The following HECTD4 variants were observed in gnomAD, a reference collection of about 807,000 sequenced individuals.
HECTD4 encodes the protein HECT domain E3 ubiquitin protein ligase 4, also known as probable E3 ubiquitin-protein ligase HECTD4.
HECTD4 carries 114 observed loss-of-function variants against 471.5 expected under a neutral mutation model. That is an observed-to-expected ratio of 0.24 (90% CI 0.21 to 0.28). HECTD4 has a LOEUF of 0.28. Ranked by LOEUF, HECTD4 falls within the 10% of genes least tolerant of loss-of-function variation. The pLI, the probability that HECTD4 is intolerant of heterozygous loss-of-function variation, is 1.00. For missense variants in HECTD4, 3,866 were observed against 5,651.5 expected, an observed-to-expected ratio of 0.68 and a Z score of 10.13; for synonymous variants, 2,012 against 2,256.0, an observed-to-expected ratio of 0.89 and a Z score of 3.07.
At chr12:112,177,900 A>G (rs1193981701) in intron 64 of HECTD4, among the ~76,000 whole-genome samples, 1 of 152,242 alleles carries the variant, frequency 6.6e-6, no homozygotes, top group Non-Finnish European at 1.5e-5. Context: ...TTCAAGGCTT[A>G]AGAATGGTCC....
intron 66 of HECTD4, among the ~76,000 whole-genome samples, chr12:112,174,064 G>A (rs1291365354): frequency 2.7e-5 from 4 of 147,206 alleles, no homozygotes; most frequent in African/African-American, 5.0e-5. Context: ...CACAACCCCC[G>A]CCTCCCAGGT....
chr12:112,351,852 A>C (rs1013622946), intron 1 of HECTD4, among the ~76,000 whole-genome samples: 1 of 152,254 alleles, frequency 6.6e-6, no homozygotes, highest in African/African-American at 2.4e-5. Flanking sequence ...AAAAATTCTA[A>C]CCCAAAGTAT....
intron 54 of HECTD4, 71 bp downstream of exon 54, chr12:112,203,565 C>T (rs1014366869): frequency 1.4e-5 from 18 of 1,275,218 alleles, no homozygotes; most frequent in Non-Finnish European, 1.9e-5. Flanking sequence ...TTTTAAGGTA[C>T]CTGGGAATCT....
chr12:112,292,169 A>G (rs1359927929), intron 7 of HECTD4, among the ~76,000 whole-genome samples: 1 of 151,556 alleles, frequency 6.6e-6, no homozygotes, highest in Non-Finnish European at 1.5e-5. Flanking sequence ...CACTCTCATC[A>G]CTCCACTTGA....
intron 59 of HECTD4, among the ~76,000 whole-genome samples, chr12:112,191,752 A>C (rs1452810523): frequency 6.6e-6 from 1 of 152,204 alleles, no homozygotes; most frequent in African/African-American, 2.4e-5. Flanking sequence ...ACTCTAATAA[A>C]AAAGACCATA....
Position 112,183,235 on chromosome 12 carries a change from C to A in HECTD4, c.10811G>T (p.Arg3604Leu). The part of the protein sequence containing the change: ...IRSRAKIEKI[R>L]ASLFNNNDLI... The stretch of plus-strand genomic sequence containing the variant: ...GTCATTATTGTTAAATAAACTTGCT[C>A]GAATTTTCTCAATTTTGGCTCGGGA... Residue 3604 changes from arginine (R) to leucine (L), a missense_variant, in exon 62 of 76, where the codon CGA becomes CTA. Around this residue, in one of 16 missense-constraint regions of HECTD4, gnomAD observed 715 missense variants for 1,087.6 expected, o/e 0.66. Coordinates refer to ENST00000682272, the MANE Select transcript of HECTD4 (RefSeq NM_001388303.1). The A allele has an allele frequency of 6.2e-7, 1 of 1,613,810 alleles. No individual in the cohort carries two copies. The highest frequency in any genetic ancestry group is 8.5e-7 in the Non-Finnish European group (1 of 1,179,870).
intron 55 of HECTD4, among the ~76,000 whole-genome samples, chr12:112,198,232 C>T (rs890144422): frequency 2.0e-5 from 3 of 152,210 alleles, no homozygotes; most frequent in Non-Finnish European, 2.9e-5. Flanking sequence ...ACAAAGAGCG[C>T]ATGGACAGTC....
chr12:112,167,965 G>A (rs747554034), intron 70 of HECTD4, 48 bp from the exon 71 acceptor site: 27 of 1,430,122 alleles, frequency 1.9e-5, no homozygotes, highest in Middle Eastern at 4.0e-4. Context: ...CCCGGCGGGA[G>A]GCGACACCGT....
intron 55 of HECTD4, among the ~76,000 whole-genome samples, chr12:112,199,577 T>A: frequency 6.6e-6 from 1 of 152,234 alleles, no homozygotes; most frequent in East Asian, 1.9e-4. Context: ...ATTATTATAT[T>A]TTCCTCTGAA....
At chr12:112,374,717 G>A (rs2036746265) in intron 1 of HECTD4, among the ~76,000 whole-genome samples, 3 of 152,158 alleles carry the variant, frequency 2.0e-5, no homozygotes, top group Admixed American at 6.5e-5. Flanking sequence ...ATATAGGCTA[G>A]CAGTGTCCTC....
At chr12:112,241,380 T>C (rs569501225) in intron 32 of HECTD4, among the ~76,000 whole-genome samples, 1 of 152,350 alleles carries the variant, frequency 6.6e-6, no homozygotes. Context: ...GCCTGGCAGC[T>C]CTTGAGGTGA....
Position 112,230,794 on chromosome 12 carries a change from C to T in HECTD4, c.6229G>A (p.Gly2077Arg). ...RTDPVRPFIS[G>R]HVANSMAAEV... ...GCAGCCATGCTGTTTGCCACATGCC[C>T]ACTGATGAAGGGACGCACAGGATCA... Residue 2077 changes from glycine to arginine, a missense_variant, in exon 40 of 76, where the codon GGG becomes AGG. Gly to Arg is a moderately radical substitution (Grantham distance 125). This residue lies in a region of HECTD4 where 617 missense variants were observed against 915.1 expected (regional missense o/e 0.67). Coordinates refer to ENST00000682272, the MANE Select transcript of HECTD4 (RefSeq NM_001388303.1). The T allele has an allele frequency of 6.2e-7, 1 of 1,610,834 alleles. No individual in the cohort carries two copies. Among genetic ancestry groups the T allele is most frequent in the Non-Finnish European group, 8.5e-7 (1 of 1,178,598 alleles).
intron 1 of HECTD4, among the ~76,000 whole-genome samples, chr12:112,350,957 A>G (rs1175780473): frequency 6.6e-6 from 1 of 152,214 alleles, no homozygotes; most frequent in Non-Finnish European, 1.5e-5. Flanking sequence ...TCCCTAAAAA[A>G]GAGCTTAATT....
chr12:112,348,523 C>T (rs987600609), intron 1 of HECTD4, among the ~76,000 whole-genome samples: 8 of 152,046 alleles, frequency 5.3e-5, no homozygotes, highest in Middle Eastern at 3.4e-3. Context: ...CTTTAGAGGT[C>T]GAGGCAGATG....
intron 7 of HECTD4, among the ~76,000 whole-genome samples, chr12:112,288,761 A>G (rs2034810451): frequency 6.6e-6 from 1 of 152,226 alleles, no homozygotes; most frequent in Non-Finnish European, 1.5e-5. Context: ...AAGTGGAGAG[A>G]GGCCCTAGAG....
intron 54 of HECTD4, chr12:112,201,188 G>A (rs2032417614): frequency 2.5e-6 from 1 of 405,902 alleles, no homozygotes; most frequent in African/African-American, 2.1e-5. Context: ...CTGCCTCCCA[G>A]GTTCAAGAGA....
At chr12:112,240,973 T>C (rs955153900) in intron 32 of HECTD4, among the ~76,000 whole-genome samples, 1 of 152,240 alleles carries the variant, frequency 6.6e-6, no homozygotes, top group African/African-American at 2.4e-5. Flanking sequence ...CATAGTATTG[T>C]TTATAAAAGC....
At chr12:112,320,196 T>G (rs891605206) in intron 1 of HECTD4, among the ~76,000 whole-genome samples, 2 of 151,318 alleles carry the variant, frequency 1.3e-5, no homozygotes, top group Non-Finnish European at 2.9e-5. Context: ...ATAGCCAGGC[T>G]TGGTGGTGTG....
intron 1 of HECTD4, among the ~76,000 whole-genome samples, chr12:112,377,005 A>G (rs2036793886): frequency 6.6e-6 from 1 of 152,124 alleles, no homozygotes; most frequent in Non-Finnish European, 1.5e-5. Context: ...TCAGCTCCTC[A>G]GGGGGCTGAG....
Sources: gnomAD v4.1 joint callset for allele counts (sites outside exome capture counted in the v4.1 genomes callset) on GRCh38, gnomAD v4.1.1 for gene constraint, gnomAD v4.1.1 regional missense constraint, MANE v1.5 for transcripts, NCBI Gene and HGNC (gene_info 2026-07-23, HGNC 2026-07-21) for gene names.